The following NFIA variants were observed in gnomAD, a reference collection of about 807,000 sequenced individuals.
The protein encoded by NFIA is nuclear factor 1 A-type.
A neutral mutation model predicts 62.8 loss-of-function variants in NFIA; 8 were observed. The observed-to-expected ratio is 0.13, with a 90% CI of 0.07 to 0.23. The LOEUF is 0.23. Ranked by LOEUF, NFIA falls within the 10% of genes least tolerant of loss-of-function variation. The pLI is 1.00. For synonymous variants in NFIA, 235 were observed against 238.1 expected (o/e 0.99, Z 0.12); for missense variants, 410 against 642.1 (o/e 0.64, Z 3.91).
At chr1:61,082,193 T>A (rs1339500024), upstream of NFIA, 2 of 16,502 alleles carry the variant, frequency 1.2e-4, no homozygotes, top group Non-Finnish European at 2.4e-4. Context: ...AATGCGCTGA[T>A]CGGGGGAGGG....
At chr1:61,201,931 A>G (rs929631845) in intron 2 of NFIA, among the ~76,000 whole-genome samples, 1 of 151,848 alleles carries the variant, frequency 6.6e-6, no homozygotes, top group South Asian at 2.1e-4. Context: ...TTGAACAACT[A>G]TCGTGTAAGA....
At chr1:61,255,757 A>G (rs1233644380) in intron 2 of NFIA, among the ~76,000 whole-genome samples, 2 of 152,162 alleles carry the variant, frequency 1.3e-5, no homozygotes, top group South Asian at 4.1e-4. Context: ...AGTAGAAAAG[A>G]TACCTCTTTT....
chr1:61,391,268 ACCTAGGCTGGTCT>A (rs1288554581), intron 7 of NFIA, among the ~76,000 whole-genome samples: 6 of 151,878 alleles, frequency 4.0e-5, no homozygotes, highest in Non-Finnish European at 7.4e-5. Context: ...TCACTGTGTT[ACCTAGGCTGGTCT>A]CGAACTCCTG....
At chr1:61,376,259 A>G (rs983141317) in intron 6 of NFIA, among the ~76,000 whole-genome samples, 9 of 152,194 alleles carry the variant, frequency 5.9e-5, no homozygotes, top group African/African-American at 2.2e-4. Flanking sequence ...GCATTGTAAT[A>G]TATAGTCTAG....
At chr1:61,187,150 T>C (rs181597540) in intron 2 of NFIA, among the ~76,000 whole-genome samples, 68 of 152,350 alleles carry the variant, frequency 4.5e-4, no homozygotes, top group African/African-American at 1.5e-3. Flanking sequence ...GTAAAGTGCT[T>C]AGCATATTGC....
chr1:61,175,224 T>C (rs1303330625), intron 2 of NFIA, among the ~76,000 whole-genome samples: 1 of 152,000 alleles, frequency 6.6e-6, no homozygotes, highest in Non-Finnish European at 1.5e-5. Flanking sequence ...TCACTACAAC[T>C]TGTGCCTCCC....
At chr1:61,218,133 G>A (rs1006868896) in intron 2 of NFIA, among the ~76,000 whole-genome samples, 2 of 152,196 alleles carry the variant, frequency 1.3e-5, no homozygotes, top group African/African-American at 4.8e-5. Flanking sequence ...AGGTAAAACA[G>A]AAAGACACAT....
At chr1:61,442,400 A>G (rs1169213965) in intron 10 of NFIA, among the ~76,000 whole-genome samples, 1 of 152,220 alleles carries the variant, frequency 6.6e-6, no homozygotes, top group African/African-American at 2.4e-5. Flanking sequence ...CTACCCACAC[A>G]TGAACAAGTA....
chr1:61,249,680 C>T (rs143147177), intron 2 of NFIA, among the ~76,000 whole-genome samples: 10 of 152,112 alleles, frequency 6.6e-5, no homozygotes, highest in Middle Eastern at 3.4e-3. Flanking sequence ...TGGCAGTCGC[C>T]GGTAGTCCCA....
intron 8 of NFIA, among the ~76,000 whole-genome samples, chr1:61,404,711 GA>G (rs905747602): frequency 1.3e-5 from 2 of 152,094 alleles, no homozygotes; most frequent in African/African-American, 2.4e-5. Context: ...TGATATTTTT[GA>G]AAAATACAGT....
intron 2 of NFIA, among the ~76,000 whole-genome samples, chr1:61,177,061 G>A (rs1022441134): frequency 4.0e-5 from 6 of 151,428 alleles, no homozygotes; most frequent in Non-Finnish European, 4.4e-5. Flanking sequence ...AGCCAAGATC[G>A]CACCACTGCA....
chr1:61,344,838 T>C (rs1662128000), intron 4 of NFIA, among the ~76,000 whole-genome samples: 1 of 152,194 alleles, frequency 6.6e-6, no homozygotes, highest in Non-Finnish European at 1.5e-5. Context: ...CTCAAAAATT[T>C]GTATGGAAAT....
intron 2 of NFIA, among the ~76,000 whole-genome samples, chr1:61,142,551 C>T (rs1231902035): frequency 2.0e-5 from 3 of 152,126 alleles, no homozygotes; most frequent in Non-Finnish European, 4.4e-5. Context: ...TTCCTATTCC[C>T]AAGAGTCCAA....
intron 2 of NFIA, among the ~76,000 whole-genome samples, chr1:61,223,777 C>G (rs1305804670): frequency 6.6e-6 from 1 of 152,050 alleles, no homozygotes; most frequent in Non-Finnish European, 1.5e-5. Flanking sequence ...TTGGACAACT[C>G]TGTGACCAAA....
chr1:61,396,191 TA>T (rs1203598201), intron 7 of NFIA, among the ~76,000 whole-genome samples: 2 of 152,148 alleles, frequency 1.3e-5, no homozygotes, highest in Non-Finnish European at 2.9e-5. Context: ...AAAATATTCC[TA>T]AAAAATGCCC....
At chr1:61,115,222 C>T (rs1330726770) in intron 2 of NFIA, among the ~76,000 whole-genome samples, 2 of 152,158 alleles carry the variant, frequency 1.3e-5, no homozygotes, top group African/African-American at 4.8e-5. Flanking sequence ...CTCAGGTGAT[C>T]CACCCACTTC....
At chr1:61,356,296 A>G (rs1384917255) in intron 5 of NFIA, among the ~76,000 whole-genome samples, 1 of 152,222 alleles carries the variant, frequency 6.6e-6, no homozygotes, top group East Asian at 1.9e-4. Flanking sequence ...TTTATTTGCC[A>G]GAGTACTTCA....
intron 2 of NFIA, among the ~76,000 whole-genome samples, chr1:61,159,680 CTTTT>C (rs11300026): frequency 1.2e-5 from 1 of 85,836 alleles, no homozygotes. Flanking sequence ...AATGTAGATG[CTTTT>C]TTTTTTTTTT....
At chr1:61,344,591 C>T (rs1162287076) in intron 4 of NFIA, among the ~76,000 whole-genome samples, 4 of 152,174 alleles carry the variant, frequency 2.6e-5, no homozygotes, top group East Asian at 1.9e-4. Context: ...ATGTAAGCCC[C>T]ACAAGGGCAG....
Sources: gnomAD v4.1 joint callset for allele counts (sites outside exome capture counted in the v4.1 genomes callset) on GRCh38, gnomAD v4.1.1 for gene constraint, MANE v1.5 for transcripts, NCBI Gene and HGNC (gene_info 2026-07-23, HGNC 2026-07-21) for gene names.